The following TTLL1 variants were observed in gnomAD, a reference collection of about 807,000 sequenced individuals.
TTLL1 encodes the protein polyglutamylase complex subunit TTLL1.
A neutral mutation model predicts 47.8 loss-of-function variants in TTLL1; 33 were observed. The ratio of observed to expected loss-of-function variants is 0.69; its 90% CI spans 0.52 to 0.92. The LOEUF is 0.92. TTLL1 is among the 40% of genes least tolerant of loss of function. TTLL1 has a pLI of 0.00. For missense variants in TTLL1, 488 were observed against 547.5 expected (o/e 0.89, Z 1.08); for synonymous variants, 225 against 214.1 (o/e 1.05, Z -0.45).
intron 1 of TTLL1, among the ~76,000 whole-genome samples, chr22:43,088,815 A>G (rs1929422340): frequency 6.6e-6 from 1 of 152,032 alleles, no homozygotes; most frequent in Admixed American, 6.6e-5. Context: ...AAGGATGACT[A>G]CCCCGCCCTG....
intron 5 of TTLL1, among the ~76,000 whole-genome samples, chr22:43,067,475 G>A (rs1361703284): frequency 3.9e-5 from 6 of 152,180 alleles, no homozygotes; most frequent in Non-Finnish European, 5.9e-5. Context: ...GAACCACCAC[G>A]ACTGAGCGGT....
chr22:43,068,398 GC>G lies in TTLL1; in HGVS notation c.503+11del. ...GACCTGGCACACAAAGTGGGTGGCTGCCCACACTTACGAAGATGTCTTGCTG... is the reference window on the plus strand; with the variant it reads ...GACCTGGCACACAAAGTGGGTGGCTGCCACACTTACGAAGATGTCTTGCTG... On this transcript the variant is annotated intron_variant, in intron 5 of 10. Coordinates refer to ENST00000266254, the MANE Select transcript of TTLL1 (RefSeq NM_012263.5). 6.7e-7 allele frequency: 1 copy of G among 1,485,360 alleles called. No homozygotes were observed. The highest frequency in any genetic ancestry group is 2.4e-5 in the East Asian group (1 of 41,708). 92.0% of individuals were successfully genotyped at this position (1,485,360 alleles called of 1,614,324 possible).
chr22:43,052,131 T>A (rs1052840644), intron 8 of TTLL1: 32 of 501,978 alleles, frequency 6.4e-5, no homozygotes, highest in African/African-American at 6.0e-4. Flanking sequence ...TGCGTCTCAC[T>A]CATCAGAGGC....
chr22:43,040,665 C>T (rs5759108), intron 10 of TTLL1, among the ~76,000 whole-genome samples: 12,185 of 152,210 alleles, frequency 0.08, 867 homozygotes, highest in East Asian at 0.41. Flanking sequence ...AGGCTGGTCT[C>T]GAACTCCTGA....
chr22:43,077,856 C>G (rs986752174), intron 2 of TTLL1, among the ~76,000 whole-genome samples: 3 of 152,162 alleles, frequency 2.0e-5, no homozygotes, highest in Admixed American at 6.6e-5. Flanking sequence ...CCTATAATCC[C>G]AGCACTTTGA....
At chr22:43,066,539 C>T (rs567751942) in intron 5 of TTLL1, among the ~76,000 whole-genome samples, 11 of 151,836 alleles carry the variant, frequency 7.2e-5, no homozygotes, top group Admixed American at 5.9e-4. Context: ...ACCTGGGCAA[C>T]ATGATGAAAC....
chr22:43,039,749 G>C lies in TTLL1; in HGVS notation c.*27C>G. 1 of 1,567,306 alleles carries C rather than the reference G, an allele frequency of 6.4e-7. No individual in the cohort carries two copies. Among genetic ancestry groups the C allele is most frequent in the African/African-American group, 1.4e-5 (1 of 73,320 alleles). On this transcript the variant is annotated 3_prime_UTR_variant, in exon 11 of 11. Coordinates refer to ENST00000266254, the MANE Select transcript of TTLL1 (RefSeq NM_012263.5). Reference sequence around the variant, plus strand: ...TTCAGCAGGGGCCCAGGTGGAGTGAGTAGTTTTGATAAGGTCCAGGTGGGA... The same window carrying C: ...TTCAGCAGGGGCCCAGGTGGAGTGACTAGTTTTGATAAGGTCCAGGTGGGA...
chr22:43,066,682 T>TC (rs1927758178), intron 5 of TTLL1, among the ~76,000 whole-genome samples: 4 of 128,096 alleles, frequency 3.1e-5, no homozygotes, highest in African/African-American at 1.4e-4. Flanking sequence ...TGATCCCGTC[T>TC]TAAAAAAAAA....
intron 10 of TTLL1, 72 bp from the exon 11 acceptor site, chr22:43,039,977 G>A: frequency 1.3e-6 from 2 of 1,545,446 alleles, no homozygotes; most frequent in Non-Finnish European, 1.8e-6. Context: ...CCAGGCTGCT[G>A]TGTGGCAAAT....
At chr22:43,084,429 TG>T (rs1221846373) in intron 1 of TTLL1, among the ~76,000 whole-genome samples, 1 of 152,090 alleles carries the variant, frequency 6.6e-6, no homozygotes, top group African/African-American at 2.4e-5. Flanking sequence ...GGATTACAGG[TG>T]GCTCAGAGCT....
intron 10 of TTLL1, among the ~76,000 whole-genome samples, chr22:43,046,165 G>C (rs1161986963): frequency 6.6e-6 from 1 of 152,134 alleles, no homozygotes; most frequent in Non-Finnish European, 1.5e-5. Context: ...AGGTTGCAGT[G>C]AGCCAAGATC....
At chr22:43,073,625 G>A (rs1035693371) in intron 3 of TTLL1, among the ~76,000 whole-genome samples, 2 of 151,924 alleles carry the variant, frequency 1.3e-5, no homozygotes, top group Non-Finnish European at 2.9e-5. Flanking sequence ...CAAAGTGCTG[G>A]GATTACAGGC....
In TTLL1 at chr22:43,059,522, G is replaced by A. The variant is rs372704987; in HGVS notation, c.753C>T (p.Asp251=). 12 of 1,612,752 alleles carry A rather than the reference G, an allele frequency of 7.4e-6. No homozygotes were observed. The African/African-American group carries it at 1.6e-4, about 22-fold the overall frequency. ...ACTTGCCCCCATGGATGTGGTTGTA[G>A]TCCTCCTGGTGACGGGAAAGCGGGC... ...TNVAIQKHGE[D]YNHIHGGKWT... The change falls in exon 8 of 11, where the codon GAC becomes GAT. Residue 251 remains aspartate (D), a synonymous_variant. Transcript: ENST00000266254.
At chr22:43,040,039 GCTGGCTCCCGCCCACCTCCCAC>G in intron 10 of TTLL1, 134 bp from the exon 11 acceptor site, 1 of 1,223,822 alleles carries the variant, frequency 8.2e-7, no homozygotes, top group South Asian at 1.5e-5. Context: ...CGCGACTCCT[GCTGGCTCCCGCCCACCTCCCAC>G]CTGGCTCCAG....
chr22:43,040,020 C>A (rs1478772096), intron 10 of TTLL1, 115 bp from the exon 11 acceptor site: 3 of 1,438,788 alleles, frequency 2.1e-6, no homozygotes, highest in African/African-American at 1.4e-5. Flanking sequence ...CCTGAGGGGG[C>A]CCCACCCTCG....
chr22:43,085,892 T>C (rs1006061964), intron 1 of TTLL1, among the ~76,000 whole-genome samples: 3 of 152,072 alleles, frequency 2.0e-5, no homozygotes, highest in Non-Finnish European at 2.9e-5. Flanking sequence ...GTGGGCTGGC[T>C]CAGGAGCGGG....
In TTLL1 at chr22:43,087,738, T is replaced by C. The variant is rs1263032718; in HGVS notation, c.-90+1539A>G. On this transcript the variant is annotated intron_variant, in intron 1 of 10. Transcript: ENST00000266254. The stretch of plus-strand genomic sequence containing the variant: ...CTGTAATCCAAGCTATCTGGGAGGC[T>C]GAGGTGGGAGGATTGCTTGAACCCG... Among the ~76,000 whole-genome samples the C allele has an allele frequency of 2.8e-5, 4 of 145,236 alleles. No individual in the cohort carries two copies. The South Asian group carries it at 6.4e-4, about 23-fold the overall frequency.
At chr22:43,046,705 T>G in intron 9 of TTLL1, 132 bp from the exon 10 acceptor site, 1 of 1,080,090 alleles carries the variant, frequency 9.3e-7, no homozygotes, top group Non-Finnish European at 1.3e-6. Context: ...GTTTCGCTCT[T>G]GTTGCCCAGG....
Position 43,066,727 on chromosome 22 carries a change from C to T in TTLL1, c.503+1683G>A, listed in dbSNP as rs150619453. On this transcript the variant is annotated intron_variant, in intron 5 of 10. Transcript: ENST00000266254. ...TTTTAGGCCACACACAGTGGCTCAC[C>T]CCCTGTAATACTAGCACTTTGGGAG... Among the ~76,000 whole-genome samples the T allele has an allele frequency of 2.5e-3, 384 of 151,426 alleles. 1 individual carries two copies. The highest frequency in any genetic ancestry group is 8.7e-3 in the African/African-American group (357 of 41,220).
Sources: gnomAD v4.1 joint callset for allele counts (sites outside exome capture counted in the v4.1 genomes callset) on GRCh38, gnomAD v4.1.1 for gene constraint, MANE v1.5 for transcripts, NCBI Gene and HGNC (gene_info 2026-07-23, HGNC 2026-07-21) for gene names.